OR9I1: variants seen among roughly 807,000 people sequenced by gnomAD.
OR9I1 encodes the protein olfactory receptor 9I1.
OR9I1 carries 7 observed loss-of-function variants against 11.2 expected under a neutral mutation model. The ratio of observed to expected loss-of-function variants is 0.62; its 90% CI spans 0.36 to 1.17. The LOEUF (loss-of-function observed/expected upper bound fraction) is 1.17. OR9I1 is among the 50% of genes most tolerant of loss of function. OR9I1 has a pLI of 0.02. For missense variants in OR9I1, 428 were observed against 377.2 expected, an observed-to-expected ratio of 1.13 and a Z score of -1.12; for synonymous variants, 165 against 153.4, an observed-to-expected ratio of 1.08 and a Z score of -0.56.
rs773061611 is a variant in OR9I1, at chr11:58,118,812, G to T, written c.633C>A (p.Ala211=). 17 of 1,614,070 alleles carry T rather than the reference G, an allele frequency of 1.1e-5. No individual in the cohort carries two copies. The highest frequency in any genetic ancestry group is 1.4e-5 in the Non-Finnish European group (17 of 1,179,998). ...FFGNFVILAN[A]SVILISYLLI... ...GCAGATAGGAAATCAGGATGACGGA[G>T]GCATTGGCCAAAATCACAAAATTGC... Residue 211 remains alanine (A), a synonymous_variant, in exon 3 of 3, where the codon GCC becomes GCA. Transcript: ENST00000641439.
chr11:58,124,946 G>T (rs1185431575), intron 1 of OR9I1, among the ~76,000 whole-genome samples: 1 of 152,140 alleles, frequency 6.6e-6, no homozygotes, highest in Non-Finnish European at 1.5e-5. Context: ...TCCTGGAAGA[G>T]ACTAGGACTC....
rs1281037819 is a variant in OR9I1 at position 58,117,663 on chromosome 11, T to C, written c.*837A>G. 1 of 152,198 alleles carries C rather than the reference T, an allele frequency of 6.6e-6. No homozygotes were observed. Among genetic ancestry groups the C allele is most frequent in the African/African-American group, 2.4e-5 (1 of 41,432 alleles). 9.4% of individuals were successfully genotyped at this position (152,198 alleles called of 1,614,324 possible). Reference sequence around the variant, plus strand: ...CTATTTATCTGTTGGTGCTCTCTGATTTGCTCTTCCTGGAAATGGGTTGCT... The same window carrying C: ...CTATTTATCTGTTGGTGCTCTCTGACTTGCTCTTCCTGGAAATGGGTTGCT... On this transcript the variant is annotated 3_prime_UTR_variant, in exon 3 of 3. Transcript: ENST00000641439.
intron 2 of OR9I1, among the ~76,000 whole-genome samples, chr11:58,119,679 T>C (rs1395021490): frequency 2.6e-5 from 4 of 152,266 alleles, no homozygotes; most frequent in African/African-American, 9.6e-5. Context: ...TAGTTTACAT[T>C]TGGAAATTTC....
Position 58,118,689 on chromosome 11 carries a change from A to G in OR9I1, c.756T>C (p.Phe252=). The stretch of plus-strand genomic sequence containing the variant: ...GCAGATACATGAAGATAAGGGCTCC[A>G]AAGAAAAGGGCCACAGCAGTGATGT... ...ASHITAVALF[F]GALIFMYLQS... is the part of the protein sequence containing the mutation. The change falls in exon 3 of 3, where the codon TTT becomes TTC. Residue 252 remains phenylalanine (F), a synonymous_variant. Coordinates refer to ENST00000641439, the MANE Select transcript of OR9I1 (RefSeq NM_001005211.2). 1 of 1,614,098 alleles carries G rather than the reference A, an allele frequency of 6.2e-7. No homozygotes were observed. The highest frequency in any genetic ancestry group is 8.5e-7 in the Non-Finnish European group (1 of 1,179,992).
Position 58,118,563 on chromosome 11 carries a change from G to T in OR9I1, c.882C>A (p.Asn294Lys). The change falls in exon 3 of 3, where the codon AAC (asparagine) becomes AAA (lysine). Residue 294 changes from asparagine to lysine, a missense_variant. Transcript: ENST00000641439. Reference protein sequence around the residue: ...MLNPLIYSLRNKDVKDAFRKV... With the variant: ...MLNPLIYSLRKKDVKDAFRKV... ...TTCTGAAGGCGTCTTTTACATCTTTGTTTCTTAAGCTGTAGATCAGAGGGT... is the reference window on the plus strand; with the variant it reads ...TTCTGAAGGCGTCTTTTACATCTTTTTTTCTTAAGCTGTAGATCAGAGGGT... The T allele has an allele frequency of 1.9e-6, 3 of 1,613,736 alleles. No individual in the cohort carries two copies. Among genetic ancestry groups the T allele is most frequent in the South Asian group, 2.2e-5 (2 of 90,984 alleles).
In OR9I1 at chr11:58,118,642, A is replaced by G. The variant is rs1367691348; in HGVS notation, c.803T>C (p.Leu268Pro). Reference sequence around the variant, plus strand: ...GACAGACACGACTTTGTCTTCCTCCAGAGATTTGCCTGAGCCACTTTGCAG... The same window carrying G: ...GACAGACACGACTTTGTCTTCCTCCGGAGATTTGCCTGAGCCACTTTGCAG... ...MYLQSGSGKS[L>P]EEDKVVSVFY... is the part of the protein sequence containing the mutation. The change falls in exon 3 of 3, where the codon CTG becomes CCG. Residue 268 changes from leucine to proline, a missense_variant. Leu to Pro is a moderately conservative substitution (Grantham distance 98). Coordinates refer to ENST00000641439, the MANE Select transcript of OR9I1 (RefSeq NM_001005211.2). The G allele has an allele frequency of 1.2e-6, 2 of 1,613,912 alleles. No individual in the cohort carries two copies. The highest frequency in any genetic ancestry group is 4.5e-5 in the East Asian group (2 of 44,854).
chr11:58,116,810 T>C lies in OR9I1; in HGVS notation c.*1690A>G, dbSNP rs1853959627. The C allele has an allele frequency of 6.6e-6, 1 of 152,202 alleles. No individual in the cohort carries two copies. Among genetic ancestry groups the C allele is most frequent in the African/African-American group, 2.4e-5 (1 of 41,460 alleles). The allele number at this position is 152,202 out of a possible 1,614,324, so 9.4% of individuals were successfully genotyped here. A position where few individuals can be genotyped will look rare whatever the true frequency, so the allele number is the denominator to read the frequency against. On this transcript the variant is annotated 3_prime_UTR_variant, in exon 3 of 3. Transcript: ENST00000641439. ...GTGAATTATTTTAATAAAATTGTTGTTTCCATATGGAGAGGCAATGAGGAT... is the reference window on the plus strand; with the variant it reads ...GTGAATTATTTTAATAAAATTGTTGCTTCCATATGGAGAGGCAATGAGGAT...
intron 2 of OR9I1, among the ~76,000 whole-genome samples, 168 bp downstream of exon 2, chr11:58,124,270 A>T (rs548441080): frequency 6.6e-6 from 1 of 152,316 alleles, no homozygotes; most frequent in South Asian, 2.1e-4. Context: ...TGACTCTTTT[A>T]AGAAAGCCTA....
chr11:58,119,175 C>A lies in OR9I1; in HGVS notation c.270G>T (p.Thr90=). Reference sequence around the variant, plus strand: ...CAGCACAGTGGCCGTAGGAGATGACCGTTTTGCCTGTGGCCAATGTGGCTA... The same window carrying A: ...CAGCACAGTGGCCGTAGGAGATGACAGTTTTGCCTGTGGCCAATGTGGCTA... ...QILATLATGK[T]VISYGHCAAQ... is the part of the protein sequence containing the mutation. The change falls in exon 3 of 3, where the codon ACG becomes ACT. Residue 90 remains threonine (T), a synonymous_variant. Coordinates refer to ENST00000641439, the MANE Select transcript of OR9I1 (RefSeq NM_001005211.2). 6.2e-7 allele frequency: 1 copy of A among 1,614,010 alleles called. No homozygotes were observed. Among genetic ancestry groups the A allele is most frequent in the South Asian group, 1.1e-5 (1 of 91,074 alleles).
rs1255638653 is a variant in OR9I1, at chr11:58,123,264, A to G, written c.-23+1174T>C. Among the ~76,000 whole-genome samples the G allele has an allele frequency of 5.9e-5, 9 of 152,342 alleles. No homozygotes were observed. The South Asian group carries it at 1.5e-3, about 25-fold the overall frequency. ...CCATTTTCCTATATCTTTATAATCTATGGAAACAAAGAAATCTCCCTGCAG... is the reference window on the plus strand; with the variant it reads ...CCATTTTCCTATATCTTTATAATCTGTGGAAACAAAGAAATCTCCCTGCAG... On this transcript the variant is annotated intron_variant, in intron 2 of 2. Coordinates refer to ENST00000641439, the MANE Select transcript of OR9I1 (RefSeq NM_001005211.2).
rs1854081630 is a variant in OR9I1 at position 58,125,423 on chromosome 11, T to G, written c.-374A>C. 1 of 152,194 alleles carries G rather than the reference T, an allele frequency of 6.6e-6. No individual in the cohort carries two copies. The highest frequency in any genetic ancestry group is 1.5e-5 in the Non-Finnish European group (1 of 68,042). The allele number at this position is 152,194 out of a possible 1,614,324, so 9.4% of individuals were successfully genotyped here. A position where few individuals can be genotyped will look rare whatever the true frequency, so the allele number is the denominator to read the frequency against. ...TCAGAGCCAAGGTAATAATTAAGTC[T>G]TAATTACCTGGTGGAATAATTCAGT... On this transcript the variant is annotated 5_prime_UTR_variant, in exon 1 of 3. Transcript: ENST00000641439.
At position 58,116,957 on chromosome 11, in the gene OR9I1, C is replaced by T. The variant is rs1162944709; in HGVS notation, c.*1543G>A. 6.6e-6 allele frequency: 1 copy of T among 152,206 alleles called. No individual in the cohort carries two copies. The highest frequency in any genetic ancestry group is 1.5e-5 in the Non-Finnish European group (1 of 68,040). The allele number at this position is 152,206 out of a possible 1,614,324, so 9.4% of individuals were successfully genotyped here. On this transcript the variant is annotated 3_prime_UTR_variant, in exon 3 of 3. Coordinates refer to ENST00000641439, the MANE Select transcript of OR9I1 (RefSeq NM_001005211.2). ...GTGGGATATAGATACATGCACTCCACCTTTCCAGGTAAGTACTCGTTTGTT... is the reference window on the plus strand; with the variant it reads ...GTGGGATATAGATACATGCACTCCATCTTTCCAGGTAAGTACTCGTTTGTT...
At chr11:58,121,365 G>A (rs1854030866) in intron 2 of OR9I1, among the ~76,000 whole-genome samples, 1 of 152,156 alleles carries the variant, frequency 6.6e-6, no homozygotes, top group Non-Finnish European at 1.5e-5. Flanking sequence ...GGGAGAGTGT[G>A]CATGGAAGCC....
chr11:58,121,620 C>T (rs904452748), intron 2 of OR9I1, among the ~76,000 whole-genome samples: 4 of 152,146 alleles, frequency 2.6e-5, no homozygotes, highest in African/African-American at 4.8e-5. Context: ...AATCTTACAC[C>T]CCCAACTTCC....
rs756345013 is a variant in OR9I1 at position 58,119,349 on chromosome 11, C to A, written c.96G>T (p.Leu32=). The A allele has an allele frequency of 6.8e-6, 11 of 1,613,696 alleles. No individual in the cohort carries two copies. Among genetic ancestry groups the A allele is most frequent in the Non-Finnish European group, 9.3e-6 (11 of 1,179,832 alleles). ...CAAGAAGGGTGACTAGGTAGAAACT[C>A]AGAAACACCAGAAAGAGGGGAATCT... The part of the protein sequence containing the change: ...KLEIPLFLVF[L]SFYLVTLLGN... The change falls in exon 3 of 3, where the codon CTG becomes CTT. Residue 32 remains leucine, a synonymous_variant. Transcript: ENST00000641439.
In OR9I1 at chr11:58,117,297, A is replaced by G. The variant is rs1853965608; in HGVS notation, c.*1203T>C. On this transcript the variant is annotated 3_prime_UTR_variant, in exon 3 of 3. Coordinates refer to ENST00000641439, the MANE Select transcript of OR9I1 (RefSeq NM_001005211.2). ...TTAAATCATTTACCCAAAGTCTCAT[A>G]ATAAATCAGTGGTGGAATCAGGATT... 6.6e-6 allele frequency: 1 copy of G among 152,166 alleles called. No homozygotes were observed. The highest frequency in any genetic ancestry group is 1.5e-5 in the Non-Finnish European group (1 of 68,016). The allele number at this position is 152,166 out of a possible 1,614,324, so 9.4% of individuals were successfully genotyped here. A position where few individuals can be genotyped will look rare whatever the true frequency, so the allele number is the denominator to read the frequency against.
chr11:58,122,044 A>G (rs115018880), intron 2 of OR9I1, among the ~76,000 whole-genome samples: 128 of 152,198 alleles, frequency 8.4e-4, no homozygotes, highest in Middle Eastern at 3.4e-3. Context: ...TCTTTCACCT[A>G]AGGTCTAATT....
In OR9I1 at chr11:58,118,877, T is replaced by A; in HGVS notation, c.568A>T (p.Ser190Cys). The A allele has an allele frequency of 6.2e-7, 1 of 1,614,030 alleles. No homozygotes were observed. Among genetic ancestry groups the A allele is most frequent in the South Asian group, 1.1e-5 (1 of 91,078 alleles). ...DLPPLLKLAC[S>C]DTANIEIVII... ...ACAATCTCGATGTTTGCTGTGTCAC[T>A]GCAGGCAAGCTTCAGCAGGGGTGGG... Residue 190 changes from serine to cysteine, a missense_variant, in exon 3 of 3, where the codon AGT (serine) becomes TGT (cysteine). Ser to Cys is a moderately radical substitution (Grantham distance 112). Coordinates refer to ENST00000641439, the MANE Select transcript of OR9I1 (RefSeq NM_001005211.2).
Position 58,118,287 on chromosome 11 carries a change from T to G in OR9I1, c.*213A>C. 2.0e-6 allele frequency: 1 copy of G among 491,916 alleles called. No homozygotes were observed. Among genetic ancestry groups the G allele is most frequent in the Admixed American group, 3.6e-5 (1 of 27,404 alleles). 30.5% of individuals were successfully genotyped at this position (491,916 alleles called of 1,614,324 possible). A position where few individuals can be genotyped will look rare whatever the true frequency, so the allele number is the denominator to read the frequency against. ...TAAGAGACTGCCCAGTGCTAAGGAA[T>G]GGATTGAAAGTGGAAGAAGGGGATA... On this transcript the variant is annotated 3_prime_UTR_variant, in exon 3 of 3. Transcript: ENST00000641439.
Sources: allele counts gnomAD v4.1 joint callset (sites outside exome capture counted in the v4.1 genomes callset), GRCh38; gene constraint gnomAD v4.1.1; transcripts MANE v1.5; gene names NCBI Gene and HGNC (gene_info 2026-07-23, HGNC 2026-07-21).